The following RBM27 variants were observed in gnomAD, a reference collection of about 807,000 sequenced individuals.
RBM27 encodes RNA binding motif protein 27.
In RBM27, 22 loss-of-function variants were observed where a neutral mutation model predicts 135.3. The ratio of observed to expected loss-of-function variants is 0.16; its 90% confidence interval spans 0.12 to 0.23. RBM27 has a LOEUF of 0.23. RBM27 is among the 10% of genes least tolerant of loss of function. The pLI is 1.00. For synonymous variants in RBM27, 481 were observed against 442.4 expected, an observed-to-expected ratio of 1.09 and a Z score of -1.10; for missense variants, 1,009 against 1,281.0, an observed-to-expected ratio of 0.79 and a Z score of 3.24.
At chr5:146,241,341 T>C (rs762635837) in intron 8 of RBM27, among the ~76,000 whole-genome samples, 16 of 152,244 alleles carry the variant, frequency 1.1e-4, no homozygotes, top group Non-Finnish European at 1.9e-4. Context: ...GCCTACTATG[T>C]GCCAGGCATC....
intron 13 of RBM27, 85 bp downstream of exon 13, chr5:146,261,891 A>G: frequency 1.1e-5 from 15 of 1,348,016 alleles, no homozygotes; most frequent in East Asian, 2.4e-5. Context: ...TGGGTCTTCT[A>G]CAGAAGAGCT....
At chr5:146,274,490 C>T (rs1759006459) in intron 19 of RBM27, among the ~76,000 whole-genome samples, 1 of 152,146 alleles carries the variant, frequency 6.6e-6, no homozygotes, top group Admixed American at 6.5e-5. Context: ...AAACTCCTGG[C>T]CTCCAGTGAT....
At chr5:146,274,806 A>G (rs1759023980) in intron 19 of RBM27, among the ~76,000 whole-genome samples, 1 of 152,002 alleles carries the variant, frequency 6.6e-6, no homozygotes, top group Non-Finnish European at 1.5e-5. Context: ...AAAAACATAC[A>G]TTAATATATA....
At chr5:146,210,676 G>A (rs1248626713) in intron 1 of RBM27, among the ~76,000 whole-genome samples, 3 of 152,178 alleles carry the variant, frequency 2.0e-5, no homozygotes, top group Non-Finnish European at 4.4e-5. Context: ...AGCCGGGCAC[G>A]GTGGCTCATG....
At chr5:146,230,988 A>G (rs1259320418) in intron 6 of RBM27, 71 bp downstream of exon 6, 4 of 1,464,646 alleles carry the variant, frequency 2.7e-6, no homozygotes, top group East Asian at 2.3e-5. Context: ...TATATTGCAT[A>G]TCTTTTAGTT....
At chr5:146,230,546 A>G (rs1485247957) in intron 5 of RBM27, 111 bp from the exon 6 acceptor site, 3 of 1,130,762 alleles carry the variant, frequency 2.7e-6, no homozygotes, top group East Asian at 4.9e-5. Context: ...GGATAGCTAG[A>G]TAAGTTTAAT....
chr5:146,223,383 A>G lies in RBM27; in HGVS notation c.179-20A>G. ...TGTTTTTTGTTTGCGCAATATGTAA[A>G]TGTTATTTCTTCTCCTTAGAAACTT... On this transcript the variant is annotated intron_variant, in intron 2 of 20. Coordinates refer to ENST00000265271, the MANE Select transcript of RBM27 (RefSeq NM_018989.2). The G allele has an allele frequency of 6.4e-7, 1 of 1,569,144 alleles. No individual in the cohort carries two copies. Among genetic ancestry groups the G allele is most frequent in the Middle Eastern group, 1.7e-4 (1 of 5,816 alleles).
At chr5:146,240,366 G>A (rs997830793) in intron 8 of RBM27, among the ~76,000 whole-genome samples, 10 of 151,530 alleles carry the variant, frequency 6.6e-5, no homozygotes, top group Non-Finnish European at 8.8e-5. Flanking sequence ...TCACTTTGTC[G>A]CCCAGGCTGG....
intron 19 of RBM27, among the ~76,000 whole-genome samples, chr5:146,279,151 T>C (rs566401125): frequency 6.6e-6 from 1 of 152,120 alleles, no homozygotes; most frequent in Non-Finnish European, 1.5e-5. Flanking sequence ...TAGATTTTTT[T>C]AAAAAGTACT....
At chr5:146,221,816 A>G (rs1756474447) in intron 2 of RBM27, among the ~76,000 whole-genome samples, 1 of 152,260 alleles carries the variant, frequency 6.6e-6, no homozygotes. Context: ...TATATTGGAC[A>G]GTGCAACTGT....
At chr5:146,249,424 G>C (rs1019643834) in intron 8 of RBM27, among the ~76,000 whole-genome samples, 1 of 151,896 alleles carries the variant, frequency 6.6e-6, no homozygotes, top group Non-Finnish European at 1.5e-5. Context: ...GGTGGCTCAC[G>C]CCTGTAATTC....
Position 146,288,079 on chromosome 5 carries a change from T to A in RBM27, c.*2049T>A, listed in dbSNP as rs1387664555. ...TTGTTTGGGTTTTTTTTTTGTGTACTAAAACTACCAGCGTATAGATTTCAA... is the reference window on the plus strand; with the variant it reads ...TTGTTTGGGTTTTTTTTTTGTGTACAAAAACTACCAGCGTATAGATTTCAA... On this transcript the variant is annotated 3_prime_UTR_variant, in exon 21 of 21. Coordinates refer to ENST00000265271, the MANE Select transcript of RBM27 (RefSeq NM_018989.2). 2 of 151,942 alleles carry A rather than the reference T, an allele frequency of 1.3e-5. No homozygotes were observed. Among genetic ancestry groups the A allele is most frequent in the Admixed American group, 6.6e-5 (1 of 15,256 alleles). 9.4% of individuals were successfully genotyped at this position (151,942 alleles called of 1,614,324 possible). A position where few individuals can be genotyped will look rare whatever the true frequency, so the allele number is the denominator to read the frequency against.
intron 7 of RBM27, among the ~76,000 whole-genome samples, chr5:146,235,947 C>G (rs1757141549): frequency 6.6e-6 from 1 of 152,098 alleles, no homozygotes; most frequent in Non-Finnish European, 1.5e-5. Context: ...TGCCTCAGTT[C>G]CCAAAGTTCA....
At position 146,287,672 on chromosome 5, in the gene RBM27, C is replaced by G. The variant is rs1433490986; in HGVS notation, c.*1642C>G. The G allele has an allele frequency of 6.6e-6, 1 of 152,094 alleles. No individual in the cohort carries two copies. The highest frequency in any genetic ancestry group is 1.5e-5 in the Non-Finnish European group (1 of 67,986). The allele number at this position is 152,094 out of a possible 1,614,324, so 9.4% of individuals were successfully genotyped here. On this transcript the variant is annotated 3_prime_UTR_variant, in exon 21 of 21. Coordinates refer to ENST00000265271, the MANE Select transcript of RBM27 (RefSeq NM_018989.2). ...AAGTTAAATCCCACGTTCTGATAAT[C>G]TTTATTCTTCTACATGTTTTCCTGG...
Position 146,229,900 on chromosome 5 carries a change from T to C in RBM27, c.579T>C (p.Asn193=). ...GGCGCAGCAAAGACCGGGATCCAAA[T>C]AGGAATGTTGGTGAGTAGATGAGTG... is the stretch of plus-strand genomic sequence containing the variant. ...SRGRSKDRDP[N]RNVEHRERSK... Residue 193 remains asparagine (N), a synonymous_variant, in exon 5 of 21, where the codon AAT becomes AAC. Transcript: ENST00000265271. 1.9e-6 allele frequency: 3 copies of C among 1,613,752 alleles called. No individual in the cohort carries two copies. Among genetic ancestry groups the C allele is most frequent in the Non-Finnish European group, 2.5e-6 (3 of 1,179,822 alleles).
At chr5:146,239,173 A>G (rs1236331419) in intron 8 of RBM27, among the ~76,000 whole-genome samples, 1 of 152,174 alleles carries the variant, frequency 6.6e-6, no homozygotes, top group Non-Finnish European at 1.5e-5. Flanking sequence ...TTGCTTTTTT[A>G]CATCTGGTTA....
At chr5:146,206,798 G>T (rs2126663252) in intron 1 of RBM27, among the ~76,000 whole-genome samples, 1 of 152,010 alleles carries the variant, frequency 6.6e-6, no homozygotes, top group East Asian at 1.9e-4. Context: ...GGCCAGGTTG[G>T]TCTCCAGTTC....
Position 146,203,764 on chromosome 5 carries a change from C to T in RBM27, c.-2C>T. On this transcript the variant is annotated 5_prime_UTR_variant, in exon 1 of 21. Transcript: ENST00000265271. ...GGCGGCCGAGCCCGCCTTCCCTGCA[C>T]CATGCTCATAGAGGATGTGGATGCC... 1.9e-6 allele frequency: 3 copies of T among 1,550,746 alleles called. No homozygotes were observed. Among genetic ancestry groups the T allele is most frequent in the South Asian group, 1.2e-5 (1 of 83,960 alleles).
chr5:146,227,854 C>T (rs937260885), intron 3 of RBM27, among the ~76,000 whole-genome samples: 2 of 152,168 alleles, frequency 1.3e-5, no homozygotes, highest in Non-Finnish European at 2.9e-5. Context: ...AGTTCCAATA[C>T]CATTTTTCCA....
Sources: allele counts gnomAD v4.1 joint callset (sites outside exome capture counted in the v4.1 genomes callset), GRCh38; gene constraint gnomAD v4.1.1; transcripts MANE v1.5; gene names NCBI Gene and HGNC (gene_info 2026-07-23, HGNC 2026-07-21).